The following NKAIN2 variants were observed in gnomAD, a reference collection of about 807,000 sequenced individuals.
NKAIN2 encodes the protein sodium/potassium-transporting ATPase subunit beta-1-interacting protein 2.
A neutral mutation model predicts 32.6 loss-of-function variants in NKAIN2; 14 were observed. The ratio of observed to expected loss-of-function variants is 0.43; its 90% CI spans 0.28 to 0.67. The LOEUF (loss-of-function observed/expected upper bound fraction) is 0.67, where lower values mean the gene tolerates loss of function less well. Among genes scored for constraint, NKAIN2 ranks in the 30% least tolerant of loss-of-function variants. The pLI, the probability that NKAIN2 is intolerant of heterozygous loss-of-function variation, is 0.17. For synonymous variants in NKAIN2, 80 were observed against 87.2 expected, an observed-to-expected ratio of 0.92 and a Z score of 0.46; for missense variants, 198 against 258.3, an observed-to-expected ratio of 0.77 and a Z score of 1.60.
chr6:124,256,062 A>G (rs984601405), intron 1 of NKAIN2, among the ~76,000 whole-genome samples: 13 of 152,192 alleles, frequency 8.5e-5, no homozygotes, highest in Non-Finnish European at 1.8e-4. Context: ...CTTACAAGGG[A>G]AATTACTCCG....
At chr6:124,300,708 C>A (rs961317871) in intron 2 of NKAIN2, among the ~76,000 whole-genome samples, 2 of 152,160 alleles carry the variant, frequency 1.3e-5, no homozygotes, top group East Asian at 3.9e-4. Context: ...AGAGGAGGAG[C>A]TTGTTGGGAA....
intron 1 of NKAIN2, among the ~76,000 whole-genome samples, chr6:124,201,822 C>T (rs1017564244): frequency 1.3e-5 from 2 of 151,946 alleles, no homozygotes; most frequent in African/African-American, 4.8e-5. Context: ...AATGTTCTCA[C>T]TTTGGAATTA....
At chr6:124,275,692 T>C (rs1582971566) in intron 1 of NKAIN2, among the ~76,000 whole-genome samples, 1 of 152,288 alleles carries the variant, frequency 6.6e-6, no homozygotes, top group East Asian at 1.9e-4. Context: ...ATATTTGTCA[T>C]GGTATTATTT....
chr6:123,984,738 A>T (rs1779055808), intron 1 of NKAIN2, among the ~76,000 whole-genome samples: 1 of 152,162 alleles, frequency 6.6e-6, no homozygotes, highest in African/African-American at 2.4e-5. Context: ...TTGCCTAGGG[A>T]AGTATTTTGC....
chr6:124,656,436 C>G (rs774364958), intron 3 of NKAIN2, among the ~76,000 whole-genome samples: 12 of 152,154 alleles, frequency 7.9e-5, no homozygotes, highest in Non-Finnish European at 1.8e-4. Context: ...CAACTATTAT[C>G]TGAGATCTCA....
chr6:123,973,478 C>A (rs561293123), intron 1 of NKAIN2, among the ~76,000 whole-genome samples: 1 of 151,944 alleles, frequency 6.6e-6, no homozygotes. Context: ...CAGGCCCTGG[C>A]CTGTCTATAT....
intron 1 of NKAIN2, among the ~76,000 whole-genome samples, chr6:123,984,355 G>T (rs1779038434): frequency 6.6e-6 from 1 of 151,824 alleles, no homozygotes; most frequent in South Asian, 2.1e-4. Flanking sequence ...GATATCCAAG[G>T]CTTTGAAAAA....
At chr6:124,733,759 A>C (rs1319950228) in intron 4 of NKAIN2, among the ~76,000 whole-genome samples, 1 of 151,750 alleles carries the variant, frequency 6.6e-6, no homozygotes, top group Non-Finnish European at 1.5e-5. Context: ...ACATATGTAA[A>C]TATATATATT....
At chr6:124,263,210 A>C (rs1192158181) in intron 1 of NKAIN2, among the ~76,000 whole-genome samples, 1 of 152,204 alleles carries the variant, frequency 6.6e-6, no homozygotes, top group Non-Finnish European at 1.5e-5. Flanking sequence ...ACATACAAGC[A>C]GTCATAAGAC....
chr6:124,173,381 C>G (rs1277319487), intron 1 of NKAIN2, among the ~76,000 whole-genome samples: 2 of 152,080 alleles, frequency 1.3e-5, no homozygotes, highest in Admixed American at 1.3e-4. Context: ...CAGTCTCTAA[C>G]AGCTTTAAGC....
intron 1 of NKAIN2, among the ~76,000 whole-genome samples, chr6:124,086,043 T>C (rs1471962725): frequency 6.6e-6 from 1 of 151,988 alleles, no homozygotes; most frequent in African/African-American, 2.4e-5. Context: ...AAGAAGGATT[T>C]GCATTATTAT....
chr6:124,589,376 A>G (rs1345300930), intron 3 of NKAIN2, among the ~76,000 whole-genome samples: 1 of 152,158 alleles, frequency 6.6e-6, no homozygotes, highest in Admixed American at 6.5e-5. Flanking sequence ...AATGGGAAGT[A>G]CTCTAATATT....
intron 3 of NKAIN2, among the ~76,000 whole-genome samples, chr6:124,583,758 G>GTAAC (rs1249156267): frequency 6.6e-6 from 1 of 152,142 alleles, no homozygotes; most frequent in Non-Finnish European, 1.5e-5. Context: ...AGAGCTAATA[G>GTAAC]TAACTAAAGC....
intron 1 of NKAIN2, among the ~76,000 whole-genome samples, chr6:124,262,051 G>C (rs1254505948): frequency 6.6e-6 from 1 of 152,012 alleles, no homozygotes. Flanking sequence ...TTTGAGGGCA[G>C]AGCCAGGTGT....
intron 3 of NKAIN2, among the ~76,000 whole-genome samples, chr6:124,447,510 G>A (rs775227752): frequency 7.9e-5 from 12 of 152,022 alleles, no homozygotes; most frequent in African/African-American, 2.9e-4. Flanking sequence ...ATAAAATTTC[G>A]GTCACAACAA....
chr6:124,241,624 C>T (rs1367612265), intron 1 of NKAIN2, among the ~76,000 whole-genome samples: 1 of 152,010 alleles, frequency 6.6e-6, no homozygotes, highest in African/African-American at 2.4e-5. Context: ...AAAAACCTGA[C>T]AAAAACAAGC....
At chr6:124,632,839 G>A (rs117271592) in intron 3 of NKAIN2, among the ~76,000 whole-genome samples, 3,519 of 152,252 alleles carry the variant, frequency 0.023, 52 homozygotes, top group Non-Finnish European at 0.037. Context: ...TCTCTTGTAA[G>A]AATAAAGTAC....
At chr6:124,044,912 A>G (rs543128639) in intron 1 of NKAIN2, among the ~76,000 whole-genome samples, 4 of 152,160 alleles carry the variant, frequency 2.6e-5, no homozygotes, top group South Asian at 2.1e-4. Context: ...TAGGAGACAT[A>G]GTCACTATAA....
intron 1 of NKAIN2, among the ~76,000 whole-genome samples, chr6:124,225,922 G>A (rs1002427920): frequency 1.3e-5 from 2 of 151,938 alleles, no homozygotes; most frequent in Admixed American, 1.3e-4. Context: ...TTTGCTCTTT[G>A]TACACTGGTC....
Sources: gnomAD v4.1 joint callset for allele counts (sites outside exome capture counted in the v4.1 genomes callset) on GRCh38, gnomAD v4.1.1 for gene constraint, MANE v1.5 for transcripts, NCBI Gene and HGNC (gene_info 2026-07-23, HGNC 2026-07-21) for gene names.